The following TENM4 variants were observed in gnomAD, a reference collection of about 807,000 sequenced individuals.
TENM4 encodes the protein teneurin-4.
A neutral mutation model predicts 243.3 loss-of-function variants in TENM4; 82 were observed. The observed-to-expected ratio is 0.34, with a 90% CI of 0.28 to 0.40. TENM4 has a LOEUF of 0.40. Ranked by LOEUF, TENM4 falls within the 10% of genes least tolerant of loss-of-function variation. The pLI, the probability that TENM4 is intolerant of heterozygous loss-of-function variation, is 1.00. For synonymous variants in TENM4, 1,412 were observed against 1,456.3 expected, an observed-to-expected ratio of 0.97 and a Z score of 0.69; for missense variants, 3,138 against 3,673.3, an observed-to-expected ratio of 0.85 and a Z score of 3.77.
intron 1 of TENM4, among the ~76,000 whole-genome samples, chr11:79,328,467 C>G (rs1190596954): frequency 1.3e-5 from 2 of 152,170 alleles, no homozygotes; most frequent in African/African-American, 4.8e-5. Flanking sequence ...GCCCAGCTGA[C>G]TGCAAGAAAG....
chr11:78,787,862 G>A (rs1856972121), intron 15 of TENM4, among the ~76,000 whole-genome samples: 1 of 152,156 alleles, frequency 6.6e-6, no homozygotes, highest in Admixed American at 6.5e-5. Flanking sequence ...AACACACAGG[G>A]CCCGATTCAC....
intron 9 of TENM4, among the ~76,000 whole-genome samples, chr11:78,869,040 T>C (rs1281773182): frequency 6.6e-6 from 1 of 152,178 alleles, no homozygotes; most frequent in Non-Finnish European, 1.5e-5. Context: ...TTTCATTCCC[T>C]AGGTTATCTT....
intron 1 of TENM4, among the ~76,000 whole-genome samples, chr11:79,426,851 A>T (rs748012765): frequency 4.5e-4 from 68 of 152,216 alleles, no homozygotes; most frequent in Non-Finnish European, 8.4e-4. Flanking sequence ...GCAGTTGGAT[A>T]TATGAATCTA....
intron 6 of TENM4, among the ~76,000 whole-genome samples, chr11:79,038,154 T>C (rs911653521): frequency 6.6e-6 from 1 of 152,234 alleles, no homozygotes; most frequent in Non-Finnish European, 1.5e-5. Flanking sequence ...GCATAGGGCC[T>C]GCCTAGAGTA....
rs372114866 is a variant in TENM4, at chr11:78,709,134, ATTTTTTTT to A, written c.4055-627_4055-620del. On this transcript the variant is annotated intron_variant, in intron 26 of 33. Transcript: ENST00000278550. ...AGGCATGCGCCACCATGCCTGGCTAATTTTTTTTTTTTTTTTTTTAGTAGAGATGAGAT... is the reference window on the plus strand; with the variant it reads ...AGGCATGCGCCACCATGCCTGGCTAATTTTTTTTTTTAGTAGAGATGAGAT... Among the ~76,000 whole-genome samples the A allele has an allele frequency of 6.2e-3, 778 of 126,110 alleles. 4 individuals carry two copies. The highest frequency in any genetic ancestry group is 9.4e-3 in the Non-Finnish European group (578 of 61,336). The allele number at this position is 126,110 out of a possible 152,430, so 82.7% of individuals were successfully genotyped here.
chr11:79,194,857 C>T (rs952743946), intron 3 of TENM4, among the ~76,000 whole-genome samples: 5 of 152,202 alleles, frequency 3.3e-5, no homozygotes, highest in Non-Finnish European at 7.3e-5. Flanking sequence ...TCCCCAAGAC[C>T]ATGGGAAAAA....
intron 6 of TENM4, among the ~76,000 whole-genome samples, chr11:78,949,970 C>G (rs1274597896): frequency 6.6e-6 from 1 of 152,010 alleles, no homozygotes; most frequent in Non-Finnish European, 1.5e-5. Flanking sequence ...CTCCATTATT[C>G]CAGTGTTCCC....
At chr11:79,281,649 G>A (rs1359509398) in intron 2 of TENM4, among the ~76,000 whole-genome samples, 1 of 152,150 alleles carries the variant, frequency 6.6e-6, no homozygotes, top group Admixed American at 6.5e-5. Flanking sequence ...GCTCCTAGCG[G>A]GGGTATGCTT....
chr11:79,418,580 A>G (rs1256500303), intron 1 of TENM4, among the ~76,000 whole-genome samples: 1 of 152,146 alleles, frequency 6.6e-6, no homozygotes, highest in East Asian at 1.9e-4. Flanking sequence ...CTACTGAAAC[A>G]TGATTTCTCA....
chr11:79,343,912 A>G (rs1408758508), intron 1 of TENM4, among the ~76,000 whole-genome samples: 1 of 152,214 alleles, frequency 6.6e-6, no homozygotes, highest in Non-Finnish European at 1.5e-5. Flanking sequence ...GCCACGGTGG[A>G]CATCCCCTTA....
rs539829929 is a variant in TENM4 at position 78,935,973 on chromosome 11, C to T, written c.494-32450G>A. Among the ~76,000 whole-genome samples the T allele has an allele frequency of 3.9e-5, 6 of 152,332 alleles. No individual in the cohort carries two copies. In the South Asian group the frequency reaches 1.2e-3, roughly 32 times the overall value. On this transcript the variant is annotated intron_variant, in intron 6 of 33. Coordinates refer to ENST00000278550, the MANE Select transcript of TENM4 (RefSeq NM_001098816.3). ...GTACAGTGAGATCTGTAAGGGCCCT[C>T]TGAGTGAAAGCTTCGTGATTCCATC...
At chr11:79,196,636 C>A (rs1863633263) in intron 3 of TENM4, among the ~76,000 whole-genome samples, 1 of 152,164 alleles carries the variant, frequency 6.6e-6, no homozygotes, top group South Asian at 2.1e-4. Context: ...GTGTTCAGAT[C>A]AGACACTGTT....
intron 3 of TENM4, among the ~76,000 whole-genome samples, chr11:79,209,072 G>A (rs1863904887): frequency 6.6e-6 from 1 of 152,128 alleles, no homozygotes; most frequent in African/African-American, 2.4e-5. Context: ...GGGAGGATTT[G>A]GTAATTGAAT....
At chr11:78,918,033 A>G (rs1420432526) in intron 6 of TENM4, among the ~76,000 whole-genome samples, 1 of 152,146 alleles carries the variant, frequency 6.6e-6, no homozygotes, top group African/African-American at 2.4e-5. Flanking sequence ...AGGCTCGGGG[A>G]GAGAATGTGT....
chr11:79,128,829 A>C (rs1486647189), intron 4 of TENM4, among the ~76,000 whole-genome samples: 1 of 152,224 alleles, frequency 6.6e-6, no homozygotes, highest in Non-Finnish European at 1.5e-5. Flanking sequence ...GTCTGGCTGG[A>C]TGGTCAGGGA....
chr11:79,399,535 C>T (rs1431714744), intron 1 of TENM4, among the ~76,000 whole-genome samples: 4 of 152,112 alleles, frequency 2.6e-5, no homozygotes, highest in East Asian at 1.9e-4. Context: ...AACTTGGAGG[C>T]GATCTTGTCC....
intron 12 of TENM4, among the ~76,000 whole-genome samples, chr11:78,834,247 AT>A (rs1384520340): frequency 6.6e-6 from 1 of 152,114 alleles, no homozygotes; most frequent in Non-Finnish European, 1.5e-5. Context: ...CTTTGTGTAT[AT>A]GTTCTTGTTT....
At chr11:78,954,625 T>G (rs947313061) in intron 6 of TENM4, among the ~76,000 whole-genome samples, 3 of 152,240 alleles carry the variant, frequency 2.0e-5, no homozygotes, top group African/African-American at 7.2e-5. Flanking sequence ...CCTGCTTTCA[T>G]AGTATTTATT....
chr11:78,967,629 A>T (rs1055542806), intron 6 of TENM4, among the ~76,000 whole-genome samples: 1 of 152,186 alleles, frequency 6.6e-6, no homozygotes, highest in Non-Finnish European at 1.5e-5. Context: ...GCTCAGATGT[A>T]TGTTCACGTG....
Sources: gnomAD v4.1 joint callset for allele counts (sites outside exome capture counted in the v4.1 genomes callset) on GRCh38, gnomAD v4.1.1 for gene constraint, MANE v1.5 for transcripts, NCBI Gene and HGNC (gene_info 2026-07-23, HGNC 2026-07-21) for gene names.